The following CNTNAP3 variants were observed in gnomAD, a reference collection of about 807,000 sequenced individuals.
CNTNAP3 encodes contactin-associated protein-like 3.
CNTNAP3 carries 36 observed loss-of-function variants against 92.1 expected under a neutral mutation model. That is an observed-to-expected ratio of 0.39 (90% CI 0.30 to 0.52). CNTNAP3 has a LOEUF of 0.52. Among genes scored for constraint, CNTNAP3 ranks in the 20% least tolerant of loss-of-function variants. The pLI, the probability that CNTNAP3 is intolerant of heterozygous loss-of-function variation, is 0.76. For synonymous variants in CNTNAP3, 232 were observed against 422.3 expected, an observed-to-expected ratio of 0.55 and a Z score of 5.53; for missense variants, 534 against 1,069.6, an observed-to-expected ratio of 0.50 and a Z score of 6.98.
At chr9:39,150,007 G>C (rs1821805325) in intron 9 of CNTNAP3, 30 bp from the exon 10 acceptor site, 1 of 1,609,562 alleles carries the variant, frequency 6.2e-7, no homozygotes, top group Admixed American at 1.7e-5. Context: ...TAGGACAAAA[G>C]CAACAACTAT....
rs1826072349 is a variant in CNTNAP3 at position 39,086,802 on chromosome 9, C to T, written c.3268G>A (p.Ala1090Thr). The T allele has an allele frequency of 6.2e-7, 1 of 1,610,470 alleles. No homozygotes were observed. Among genetic ancestry groups the T allele is most frequent in the African/African-American group, 1.3e-5 (1 of 74,554 alleles). The stretch of plus-strand genomic sequence containing the variant: ...ATGTTTTTAAAATCAAAGGTAAATG[C>T]ATCAGGATTTTGATGTCTATCTAGC... The part of the protein sequence containing the change: ...YKLDRHQNPD[A>T]FTFDFKNMAD... The change falls in exon 20 of 24, where the codon GCA (alanine) becomes ACA (threonine). Residue 1090 changes from alanine (A) to threonine (T), a missense_variant. Physicochemically the swap from Ala to Thr is moderately conservative, Grantham distance 58. Transcript: ENST00000297668.
chr9:39,168,292 CA>C (rs200697784), intron 8 of CNTNAP3, among the ~76,000 whole-genome samples: 2,780 of 151,040 alleles, frequency 0.018, 132 homozygotes, highest in East Asian at 0.11. Flanking sequence ...GCTGGGATTA[CA>C]GGCGTGAGCC....
At chr9:39,130,495 C>CTTT (rs58074019) in intron 13 of CNTNAP3, among the ~76,000 whole-genome samples, 133 of 111,072 alleles carry the variant, frequency 1.2e-3, no homozygotes, top group African/African-American at 2.4e-3. Context: ...AGGAGGAATT[C>CTTT]TTTTTTTTTT....
chr9:39,139,570 T>C (rs1821521660), intron 12 of CNTNAP3, among the ~76,000 whole-genome samples: 1 of 152,170 alleles, frequency 6.6e-6, no homozygotes, highest in South Asian at 2.1e-4. Context: ...ATTGTCCAAA[T>C]TTATGAAACT....
intron 13 of CNTNAP3, among the ~76,000 whole-genome samples, chr9:39,121,124 C>T (rs1821009475): frequency 1.3e-5 from 2 of 149,460 alleles, no homozygotes. Context: ...TAGACGTTGG[C>T]AGAATCAACT....
chr9:39,080,399 T>A (rs1267874960), intron 21 of CNTNAP3, among the ~76,000 whole-genome samples: 139 of 125,400 alleles, frequency 1.1e-3, no homozygotes, highest in Middle Eastern at 3.9e-3. Flanking sequence ...TTTGTAGTTT[T>A]CCACTCAGAC....
At chr9:39,176,180 CTAA>C in intron 6 of CNTNAP3, 88 bp from the exon 7 acceptor site, 1 of 3,938 alleles carries the variant, frequency 2.5e-4, no homozygotes, top group Non-Finnish European at 4.0e-4. Flanking sequence ...AGGTCTAGTA[CTAA>C]CTGTCACAAA....
intron 13 of CNTNAP3, among the ~76,000 whole-genome samples, chr9:39,125,197 T>C (rs1223616183): frequency 6.6e-6 from 1 of 152,122 alleles, no homozygotes; most frequent in African/African-American, 2.4e-5. Flanking sequence ...GATGAGTTCA[T>C]GTCCTTTGTA....
rs1169043070 is a variant in CNTNAP3 at position 39,072,908 on chromosome 9, C to G, written c.*982G>C. The G allele has an allele frequency of 6.5e-6, 1 of 152,874 alleles. No homozygotes were observed. Among genetic ancestry groups the G allele is most frequent in the African/African-American group, 2.4e-5 (1 of 41,490 alleles). The allele number at this position is 152,874 out of a possible 1,614,324, so 9.5% of individuals were successfully genotyped here. A position where few individuals can be genotyped will look rare whatever the true frequency, so the allele number is the denominator to read the frequency against. On this transcript the variant is annotated 3_prime_UTR_variant, in exon 24 of 24. Transcript: ENST00000297668. ...AAAAACAGATATGACCTCTCAATAT[C>G]TTGGGGAAGTAAGTTAGGATGATGT...
intron 14 of CNTNAP3, among the ~76,000 whole-genome samples, chr9:39,110,713 A>G (rs1003852856): frequency 2.6e-5 from 4 of 152,142 alleles, no homozygotes; most frequent in African/African-American, 9.7e-5. Context: ...ATTTTATTAT[A>G]TATGTGTATG....
chr9:39,132,157 A>C (rs934332765), intron 13 of CNTNAP3, among the ~76,000 whole-genome samples: 6 of 152,078 alleles, frequency 3.9e-5, no homozygotes, highest in African/African-American at 1.4e-4. Flanking sequence ...TGGGATTGCT[A>C]AAACTAAAAA....
intron 13 of CNTNAP3, among the ~76,000 whole-genome samples, chr9:39,128,293 A>T (rs1420382632): frequency 6.6e-6 from 1 of 152,064 alleles, no homozygotes; most frequent in African/African-American, 2.4e-5. Flanking sequence ...ATATGAAAAA[A>T]GAAAACTACA....
intron 15 of CNTNAP3, among the ~76,000 whole-genome samples, chr9:39,105,890 C>G (rs1826593201): frequency 1.6e-5 from 2 of 123,546 alleles, no homozygotes; most frequent in Non-Finnish European, 3.7e-5. Context: ...TCTCTCTCTT[C>G]TATGTGTATT....
At chr9:39,090,793 G>A (rs1412575985) in intron 18 of CNTNAP3, among the ~76,000 whole-genome samples, 2 of 152,402 alleles carry the variant, frequency 1.3e-5, no homozygotes, top group African/African-American at 4.8e-5. Flanking sequence ...GAGAACACTG[G>A]TATTTTATTT....
intron 2 of CNTNAP3, among the ~76,000 whole-genome samples, chr9:39,255,510 TA>T (rs931879137): frequency 5.2e-5 from 2 of 38,254 alleles, no homozygotes; most frequent in African/African-American, 1.0e-4. Flanking sequence ...ACAAAACAAA[TA>T]AAAAAAATCT....
intron 23 of CNTNAP3, among the ~76,000 whole-genome samples, chr9:39,074,771 C>G (rs1825708778): frequency 6.6e-6 from 1 of 152,026 alleles, no homozygotes; most frequent in Non-Finnish European, 1.5e-5. Flanking sequence ...TGATAATACA[C>G]TTTTCTTTTT....
intron 18 of CNTNAP3, among the ~76,000 whole-genome samples, chr9:39,092,886 G>A (rs1415809546): frequency 7.0e-6 from 1 of 141,866 alleles, no homozygotes; most frequent in South Asian, 2.3e-4. Context: ...GTAATTTGGG[G>A]CTATATTATT....
intron 23 of CNTNAP3, among the ~76,000 whole-genome samples, chr9:39,077,159 A>T (rs1825799230): frequency 6.6e-6 from 1 of 152,214 alleles, no homozygotes; most frequent in South Asian, 2.1e-4. Context: ...GTTCTTTCCA[A>T]AGTATGATTA....
chr9:39,260,474 G>T (rs746117690), intron 2 of CNTNAP3, among the ~76,000 whole-genome samples: 10,477 of 17,006 alleles, frequency 0.62, 5,187 homozygotes, highest in South Asian at 1. Context: ...CCAGCACTCT[G>T]GGAGGCCGAG....
Sources: gnomAD v4.1 joint callset for allele counts (sites outside exome capture counted in the v4.1 genomes callset) on GRCh38, gnomAD v4.1.1 for gene constraint, MANE v1.5 for transcripts, NCBI Gene and HGNC (gene_info 2026-07-23, HGNC 2026-07-21) for gene names.